UNC80: variants seen among roughly 807,000 people sequenced by gnomAD.
UNC80 encodes the protein protein unc-80 homolog.
Under a neutral mutation model 384.6 loss-of-function variants are expected in UNC80, and 164 were observed. That is an observed-to-expected ratio of 0.43 (90% CI 0.38 to 0.49). The LOEUF (loss-of-function observed/expected upper bound fraction) is 0.49, where lower values mean the gene tolerates loss of function less well. UNC80 is among the 20% of genes least tolerant of loss of function. The probability of loss-of-function intolerance (pLI) is 0.00; values close to 1 mark genes in which losing one functional copy is unlikely to be tolerated. For missense variants in UNC80, 3,330 were observed against 4,143.0 expected, an observed-to-expected ratio of 0.80 and a Z score of 5.39; for synonymous variants, 1,486 against 1,527.8, an observed-to-expected ratio of 0.97 and a Z score of 0.64.
intron 48 of UNC80, among the ~76,000 whole-genome samples, chr2:209,957,066 C>T (rs564681566): frequency 5.9e-5 from 9 of 152,288 alleles, no homozygotes; most frequent in Non-Finnish European, 1.2e-4. Context: ...GTAAATCTGG[C>T]AGATATAAAA....
chr2:209,880,833 G>A (rs188772873), intron 24 of UNC80, 128 bp from the exon 25 acceptor site: 23 of 845,308 alleles, frequency 2.7e-5, no homozygotes, highest in Admixed American at 1.1e-4. Context: ...ATTGGATGTT[G>A]GACATATATA....
intron 23 of UNC80, among the ~76,000 whole-genome samples, chr2:209,875,707 C>T (rs1279149805): frequency 6.6e-6 from 1 of 152,090 alleles, no homozygotes; most frequent in African/African-American, 2.4e-5. Context: ...TCTCTCAGCA[C>T]ATAGTGCATT....
intron 51 of UNC80, among the ~76,000 whole-genome samples, chr2:209,963,715 T>G (rs1333423226): frequency 6.6e-6 from 1 of 152,240 alleles, no homozygotes; most frequent in East Asian, 1.9e-4. Context: ...AAATGATTTC[T>G]TTAAAACACC....
At chr2:209,773,045 T>C in intron 1 of UNC80, 49 bp from the exon 2 acceptor site, 1 of 1,429,118 alleles carries the variant, frequency 7.0e-7, no homozygotes, top group South Asian at 1.2e-5. Context: ...GATGCTTTAA[T>C]AATAATTTTA....
At chr2:209,947,546 A>AT (rs947919883) in intron 47 of UNC80, among the ~76,000 whole-genome samples, 7 of 151,982 alleles carry the variant, frequency 4.6e-5, no homozygotes, top group African/African-American at 1.5e-4. Flanking sequence ...TTAAATTAGA[A>AT]TTTTTTTTAA....
At chr2:209,859,083 A>C (rs1320094998) in intron 22 of UNC80, among the ~76,000 whole-genome samples, 1 of 152,174 alleles carries the variant, frequency 6.6e-6, no homozygotes, top group Non-Finnish European at 1.5e-5. Context: ...TTTTTCTAAA[A>C]AAGAAGGATA....
At chr2:209,799,557 C>T (rs1165970933) in intron 7 of UNC80, among the ~76,000 whole-genome samples, 2 of 152,136 alleles carry the variant, frequency 1.3e-5, no homozygotes, top group Non-Finnish European at 2.9e-5. Flanking sequence ...TTTTAATACC[C>T]TTTATTCCTT....
chr2:209,989,806 T>C (rs1242416215), intron 61 of UNC80, among the ~76,000 whole-genome samples: 1 of 152,214 alleles, frequency 6.6e-6, no homozygotes, highest in Non-Finnish European at 1.5e-5. Context: ...CAATTTGATA[T>C]AGACCCCAGA....
At chr2:209,773,989 T>C (rs771733935) in intron 2 of UNC80, among the ~76,000 whole-genome samples, 1 of 152,232 alleles carries the variant, frequency 6.6e-6, no homozygotes, top group African/African-American at 2.4e-5. Flanking sequence ...GAAATGGACT[T>C]TTCACAGCCT....
Position 209,786,150 on chromosome 2 carries a change from T to C in UNC80, c.685T>C (p.Phe229Leu). 6.2e-7 allele frequency: 1 copy of C among 1,614,074 alleles called. No homozygotes were observed. The highest frequency in any genetic ancestry group is 8.5e-7 in the Non-Finnish European group (1 of 1,179,946). ...ACACAGACAGCCCGGAGTCTCTGGC[T>C]TTACCGCACTGGTGAAGCCCATCAG... ...WEHRQPGVSG[F>L]TALVKPIRNI... The change falls in exon 5 of 65, where the codon TTT becomes CTT. Residue 229 changes from phenylalanine to leucine, a missense_variant. Around this residue, in one of 8 missense-constraint regions of UNC80, gnomAD observed 937 missense variants for 1,026.8 expected, o/e 0.91. Coordinates refer to ENST00000673920, the MANE Select transcript of UNC80 (RefSeq NM_001371986.1).
Position 209,954,095 on chromosome 2 carries a change from T to A in UNC80, c.7287-5T>A. 3 of 1,544,480 alleles carry A rather than the reference T, an allele frequency of 1.9e-6. No individual in the cohort carries two copies. The highest frequency in any genetic ancestry group is 2.6e-6 in the Non-Finnish European group (3 of 1,145,068). On this transcript the variant is annotated splice_region_variant and splice_polypyrimidine_tract_variant and intron_variant, in intron 47 of 64. Transcript: ENST00000673920. ...GTGACTCGGTTTTCTTTCTGTCGCT[T>A]AAAGTCTTCAGATGCTGATGGTCTT...
chr2:209,840,147 G>A (rs577590115), intron 19 of UNC80, among the ~76,000 whole-genome samples: 1 of 152,340 alleles, frequency 6.6e-6, no homozygotes, highest in South Asian at 2.1e-4. Flanking sequence ...AGCATAAGTA[G>A]ATAAGGGAGA....
chr2:209,989,523 T>C (rs1163937607), intron 61 of UNC80, among the ~76,000 whole-genome samples: 1 of 152,192 alleles, frequency 6.6e-6, no homozygotes, highest in Non-Finnish European at 1.5e-5. Context: ...ATTTTAAAAT[T>C]TGACTATCAA....
intron 36 of UNC80, among the ~76,000 whole-genome samples, chr2:209,927,203 A>G (rs567508268): frequency 2.6e-5 from 4 of 152,216 alleles, no homozygotes; most frequent in Non-Finnish European, 5.9e-5. Context: ...TGCATTTAAA[A>G]TAGGTAATTG....
chr2:209,832,254 A>G (rs2081027370), intron 16 of UNC80, among the ~76,000 whole-genome samples: 1 of 152,128 alleles, frequency 6.6e-6, no homozygotes, highest in African/African-American at 2.4e-5. Flanking sequence ...AATTACCGCT[A>G]ACGAACTTAC....
chr2:209,903,348 G>GTT (rs1304055720), intron 28 of UNC80, among the ~76,000 whole-genome samples: 6 of 132,778 alleles, frequency 4.5e-5, no homozygotes, highest in Non-Finnish European at 9.3e-5. Context: ...GTGTGTGTGT[G>GTT]TGTGGACAGT....
At chr2:209,789,484 AAG>A in intron 5 of UNC80, 46 bp from the exon 6 acceptor site, 1 of 1,279,490 alleles carries the variant, frequency 7.8e-7, no homozygotes, top group Non-Finnish European at 1.1e-6. Context: ...ATGAAATAAA[AAG>A]AACTTAAAAC....
chr2:209,891,802 A>T (rs537719280), intron 26 of UNC80, among the ~76,000 whole-genome samples: 1 of 152,298 alleles, frequency 6.6e-6, no homozygotes, highest in Admixed American at 6.5e-5. Flanking sequence ...TCCTTAATCC[A>T]TTTGACAAGC....
chr2:209,918,033 A>C lies in UNC80; in HGVS notation c.5211+75A>C, dbSNP rs1336083074. On this transcript the variant is annotated intron_variant, in intron 32 of 64. Coordinates refer to ENST00000673920, the MANE Select transcript of UNC80 (RefSeq NM_001371986.1). ...GTTTGTTTAAACCGTTGAACCTCAA[A>C]GTCACAGTATGTGGCCAAAGATATT... is the stretch of plus-strand genomic sequence containing the variant. The C allele has an allele frequency of 7.8e-6, 11 of 1,406,910 alleles. No homozygotes were observed. The East Asian group carries it at 2.8e-4, about 35-fold the overall frequency. The allele number at this position is 1,406,910 out of a possible 1,614,324, so 87.2% of individuals were successfully genotyped here. A position where few individuals can be genotyped will look rare whatever the true frequency, so the allele number is the denominator to read the frequency against.
Sources: gnomAD v4.1 joint callset for allele counts (sites outside exome capture counted in the v4.1 genomes callset) on GRCh38, gnomAD v4.1.1 for gene constraint, gnomAD v4.1.1 regional missense constraint, MANE v1.5 for transcripts, NCBI Gene and HGNC (gene_info 2026-07-23, HGNC 2026-07-21) for gene names.